MPP2: variants seen among roughly 807,000 people sequenced by gnomAD.
MPP2 encodes the protein MAGUK p55 scaffold protein 2, also known as MAGUK p55 subfamily member 2.
In MPP2, 42 loss-of-function variants were observed where a neutral mutation model predicts 58.5. The ratio of observed to expected loss-of-function variants is 0.72; its 90% CI spans 0.56 to 0.93. The LOEUF (loss-of-function observed/expected upper bound fraction) is 0.93, where lower values mean the gene tolerates loss of function less well. Ranked by LOEUF, MPP2 falls within the 40% of genes least tolerant of loss-of-function variation. The probability of loss-of-function intolerance (pLI) is 0.00; values close to 1 mark genes in which losing one functional copy is unlikely to be tolerated. For missense variants in MPP2, 632 were observed against 760.4 expected, an observed-to-expected ratio of 0.83 and a Z score of 1.99; for synonymous variants, 300 against 307.8, an observed-to-expected ratio of 0.97 and a Z score of 0.26.
Position 43,879,972 on chromosome 17 carries a change from C to T in MPP2, c.1163G>A (p.Arg388Gln), listed in dbSNP as rs377355247. 1.4e-5 allele frequency: 22 copies of T among 1,613,898 alleles called. No homozygotes were observed. The highest frequency in any genetic ancestry group is 5.0e-5 in the Admixed American group (3 of 59,982). ...ACCTTCCCGCTCTGAGTCTTTCGGC[C>T]GCCGGGAGGTGTCTAGGGGGATGGG... ...YGTTVPYTSR[R>Q]PKDSEREGQG... is the part of the protein sequence containing the mutation. The change falls in exon 11 of 13, where the codon CGG (arginine) becomes CAG (glutamine). Residue 388 changes from arginine to glutamine, a missense_variant. Arg to Gln is a conservative substitution (Grantham distance 43, BLOSUM62 1). Transcript: ENST00000269095. The surrounding 1 kb of genome is among the most constrained non-coding windows in gnomAD (Gnocchi z 4.1).
In MPP2 at chr17:43,883,055, G is replaced by A. The variant is rs1197014519; in HGVS notation, c.304-3C>T. On this transcript the variant is annotated splice_region_variant and splice_polypyrimidine_tract_variant and intron_variant, in intron 4 of 12. Transcript: ENST00000269095. The stretch of plus-strand genomic sequence containing the variant: ...GAGTCGTGCGTCTCCAGGAGGGACT[G>A]GGGGGTGGTGGGAAGAGAAGGGACA... The A allele has an allele frequency of 1.2e-6, 2 of 1,608,588 alleles. No individual in the cohort carries two copies. The highest frequency in any genetic ancestry group is 1.7e-6 in the Non-Finnish European group (2 of 1,177,326).
At chr17:43,884,062 C>G in intron 3 of MPP2, 1 of 699,588 alleles carries the variant, frequency 1.4e-6, no homozygotes, top group Non-Finnish European at 2.6e-6. Flanking sequence ...AAGATCATTG[C>G]AGACAACACA....
rs1342874646 is a variant in MPP2 at position 43,881,107 on chromosome 17, A to C, written c.971T>G (p.Leu324Trp). The change falls in exon 9 of 13, where the codon TTG (leucine) becomes TGG (tryptophan). Residue 324 changes from leucine to tryptophan, a missense_variant. Coordinates refer to ENST00000269095, the MANE Select transcript of MPP2 (RefSeq NM_005374.5). ...ATACCCACCTGCATTCTTGGTGGTC[A>C]AATACATCATTCGCTTCTTTTTCTT... ...SGKKKKRMMY[L>W]TTKNAEFDRH... is the part of the protein sequence containing the mutation. 5 of 1,613,980 alleles carry C rather than the reference A, an allele frequency of 3.1e-6. No homozygotes were observed. Among genetic ancestry groups the C allele is most frequent in the Non-Finnish European group, 4.2e-6 (5 of 1,179,980 alleles).
At position 43,879,363 on chromosome 17, in the gene MPP2, A is replaced by C. The variant is rs777394324; in HGVS notation, c.1394T>G (p.Val465Gly). Residue 465 changes from valine to glycine, a missense_variant, in exon 12 of 13, where the codon GTG (valine) becomes GGG (glycine). By Grantham distance (109) the Val-to-Gly change is moderately radical. Coordinates refer to ENST00000269095, the MANE Select transcript of MPP2 (RefSeq NM_005374.5). This position sits in a 1 kb window ranked among gnomAD's most constrained non-coding sequence, Gnocchi z 4.1. ...GAAGTCTGGGGCCTCGATGAACACC[A>C]CGTAAGGGACAAACTCGGCCGTTCG... Reference protein sequence around the residue: ...VLRTAEFVPYVVFIEAPDFET... With the variant: ...VLRTAEFVPYGVFIEAPDFET... 1.2e-6 allele frequency: 2 copies of C among 1,614,006 alleles called. No individual in the cohort carries two copies. Among genetic ancestry groups the C allele is most frequent in the Non-Finnish European group, 8.5e-7 (1 of 1,179,986 alleles).
At chr17:43,899,582 C>T (rs1406482173) in intron 2 of MPP2, among the ~76,000 whole-genome samples, 1 of 152,140 alleles carries the variant, frequency 6.6e-6, no homozygotes, top group Non-Finnish European at 1.5e-5. Flanking sequence ...TCTATAATCA[C>T]TGAGAAATTA....
chr17:43,880,567 C>T lies in MPP2; in HGVS notation c.1150+124G>A, dbSNP rs2047063500. The stretch of plus-strand genomic sequence containing the variant: ...ACCCACAGAGGGCGTGCACCCCAAC[C>T]CGTGTACCCAAAGGTACCACCTGGC... On this transcript the variant is annotated intron_variant, in intron 10 of 12. Coordinates refer to ENST00000269095, the MANE Select transcript of MPP2 (RefSeq NM_005374.5). This position sits in a 1 kb window ranked among gnomAD's most constrained non-coding sequence, Gnocchi z 5.2. The T allele has an allele frequency of 8.6e-7, 1 of 1,161,700 alleles. No individual in the cohort carries two copies. The highest frequency in any genetic ancestry group is 1.2e-6 in the Non-Finnish European group (1 of 849,328). The allele number at this position is 1,161,700 out of a possible 1,614,324, so 72.0% of individuals were successfully genotyped here.
rs576782159 is a variant in MPP2, at chr17:43,896,923, C to T, written c.150+1339G>A. Among the ~76,000 whole-genome samples, 59 of 152,220 alleles carry T rather than the reference C, an allele frequency of 3.9e-4. 1 individual carries two copies. The South Asian group carries it at 0.011, about 28-fold the overall frequency. On this transcript the variant is annotated intron_variant, in intron 3 of 12. Coordinates refer to ENST00000269095, the MANE Select transcript of MPP2 (RefSeq NM_005374.5). ...CCATGGGCACCATCCCCACCTCCCC[C>T]CCTCAGGAGAGGGGGCATCCTTCCA...
At position 43,879,315 on chromosome 17, in the gene MPP2, C is replaced by T. The variant is rs750917654; in HGVS notation, c.1442G>A (p.Arg481Lys). ...GGATATTCCACTCTCCAGCGCAGCC[C>T]TGTTCATGGCCCGCAGGGTCTCGAA... is the stretch of plus-strand genomic sequence containing the variant. ...PDFETLRAMN[R>K]AALESGISTK... is the part of the protein sequence containing the mutation. The change falls in exon 12 of 13, where the codon AGG becomes AAG. Residue 481 changes from arginine (R) to lysine (K), a missense_variant. By Grantham distance (26) the Arg-to-Lys change is conservative. Transcript: ENST00000269095. This position sits in a 1 kb window ranked among gnomAD's most constrained non-coding sequence, Gnocchi z 4.1. 7 of 1,614,062 alleles carry T rather than the reference C, an allele frequency of 4.3e-6. No homozygotes were observed. In the Admixed American group the frequency reaches 8.3e-5, roughly 19 times the overall value.
In MPP2 at chr17:43,879,795, T is replaced by C. The variant is rs1251684220; in HGVS notation, c.1340A>G (p.Asp447Gly). 6.2e-7 allele frequency: 1 copy of C among 1,613,406 alleles called. No homozygotes were observed. ...GAGTGGCGGTACCTGGGGGTTGACA[T>C]CCAGCACGCACACCTTCCCAGCAGC... ...VVAAGKVCVL[D>G]VNPQAVKVLR... The change falls in exon 11 of 13, where the codon GAT becomes GGT. Residue 447 changes from aspartate (D) to glycine (G), a missense_variant. Asp to Gly is a moderately conservative substitution (Grantham distance 94, BLOSUM62 -1). Coordinates refer to ENST00000269095, the MANE Select transcript of MPP2 (RefSeq NM_005374.5). This position sits in a 1 kb window ranked among gnomAD's most constrained non-coding sequence, Gnocchi z 4.1.
rs764787857 is a variant in MPP2, at chr17:43,882,372, C to T, written c.593G>A (p.Arg198His). Reference sequence around the variant, plus strand: ...ATTGCGCAGGAGCTCCTGCAGTGCGCGGGGGTCACTGCCCACTGGCTGCCC... The same window carrying T: ...ATTGCGCAGGAGCTCCTGCAGTGCGTGGGGGTCACTGCCCACTGGCTGCCC... ...VNGQPVGSDP[R>H]ALQELLRNAS... Residue 198 changes from arginine (R) to histidine (H), a missense_variant, in exon 6 of 13, where the codon CGC becomes CAC. Coordinates refer to ENST00000269095, the MANE Select transcript of MPP2 (RefSeq NM_005374.5). 1.1e-5 allele frequency: 18 copies of T among 1,612,176 alleles called. 1 individual carries two copies. The highest frequency in any genetic ancestry group is 4.4e-5 in the South Asian group (4 of 91,084).
At chr17:43,890,853 C>G (rs1362765088) in intron 3 of MPP2, among the ~76,000 whole-genome samples, 2 of 152,114 alleles carry the variant, frequency 1.3e-5, no homozygotes, top group Admixed American at 1.3e-4. Context: ...TGCAGTTTTC[C>G]CAGCTAAGAC....
At chr17:43,900,956 GAA>G (rs2048073474) in intron 2 of MPP2, among the ~76,000 whole-genome samples, 1 of 152,040 alleles carries the variant, frequency 6.6e-6, no homozygotes, top group Non-Finnish European at 1.5e-5. Flanking sequence ...ACCCGAGGGA[GAA>G]AAGTCTTGGC....
intron 3 of MPP2, among the ~76,000 whole-genome samples, chr17:43,891,423 G>A (rs1397110242): frequency 6.6e-6 from 1 of 151,834 alleles, no homozygotes; most frequent in Non-Finnish European, 1.5e-5. Flanking sequence ...GCTGAGGCAG[G>A]AGAATCGCTT....
chr17:43,880,326 C>T lies in MPP2; in HGVS notation c.1151-342G>A, dbSNP rs568386846. ...TGGCAGCCAGGAGCTTCCACCACCCCCGCTGTTTCTGCCACTAAGAAGCCC... is the reference window on the plus strand; with the variant it reads ...TGGCAGCCAGGAGCTTCCACCACCCTCGCTGTTTCTGCCACTAAGAAGCCC... On this transcript the variant is annotated intron_variant, in intron 10 of 12. Transcript: ENST00000269095. The surrounding 1 kb of genome is among the most constrained non-coding windows in gnomAD (Gnocchi z 5.2). 4.6e-5 allele frequency among the ~76,000 whole-genome samples: 7 copies of T among 152,304 alleles called. No individual in the cohort carries two copies. In the East Asian group the frequency reaches 1.4e-3, roughly 29 times the overall value.
At position 43,881,350 on chromosome 17, in the gene MPP2, C is replaced by T; in HGVS notation, c.814-1G>A. ...CACTGCCCCCTTCGACATGGCATGC[C>T]TAAAACGGACATGAGACCAAGATCT... On this transcript the variant is annotated splice_acceptor_variant, in intron 7 of 12. Transcript: ENST00000269095. LOFTEE classifies it high-confidence loss of function. 6.2e-7 allele frequency: 1 copy of T among 1,614,124 alleles called. No homozygotes were observed. Among genetic ancestry groups the T allele is most frequent in the Non-Finnish European group, 8.5e-7 (1 of 1,180,006 alleles).
chr17:43,900,344 C>T (rs888943918), intron 2 of MPP2: 11 of 1,062,498 alleles, frequency 1.0e-5, no homozygotes, highest in African/African-American at 1.6e-5. Flanking sequence ...CTGCCCAGGA[C>T]AGCTCTCCTG....
intron 12 of MPP2, among the ~76,000 whole-genome samples, chr17:43,878,448 C>G (rs372626081): frequency 1.3e-5 from 2 of 152,160 alleles, no homozygotes; most frequent in South Asian, 4.1e-4. Flanking sequence ...GGCAACCCCA[C>G]CCTCGACCCA....
At chr17:43,904,028 A>G (rs1379376702) in intron 2 of MPP2, among the ~76,000 whole-genome samples, 3 of 152,110 alleles carry the variant, frequency 2.0e-5, no homozygotes, top group Non-Finnish European at 4.4e-5. Context: ...TGGACTTCTC[A>G]GCCCCAGGCT....
intron 2 of MPP2, among the ~76,000 whole-genome samples, chr17:43,899,855 G>A (rs572384971): frequency 6.6e-6 from 1 of 152,244 alleles, no homozygotes. Flanking sequence ...GCAAGTTCCG[G>A]GGAAAGGAAG....
Sources: gnomAD v4.1 joint callset for allele counts (sites outside exome capture counted in the v4.1 genomes callset) on GRCh38, gnomAD v4.1.1 for gene constraint, Gnocchi (gnomAD v3.1) non-coding constraint, MANE v1.5 for transcripts, NCBI Gene and HGNC (gene_info 2026-07-23, HGNC 2026-07-21) for gene names.